METAP1: variants seen among roughly 807,000 people sequenced by gnomAD.
The protein encoded by METAP1 is methionyl aminopeptidase 1.
In METAP1, 28 loss-of-function variants were observed where a neutral mutation model predicts 53.8. That is an observed-to-expected ratio of 0.52 (90% CI 0.39 to 0.71). The LOEUF is 0.71. Ranked by LOEUF, METAP1 falls within the 30% of genes least tolerant of loss-of-function variation. The pLI, the probability that METAP1 is intolerant of heterozygous loss-of-function variation, is 0.00. For missense variants in METAP1, 389 were observed against 479.8 expected (o/e 0.81, Z 1.77); for synonymous variants, 181 against 165.7 (o/e 1.09, Z -0.71).
intron 4 of METAP1, among the ~76,000 whole-genome samples, chr4:99,037,464 A>G (rs916010448): frequency 3.3e-5 from 5 of 151,982 alleles, no homozygotes; most frequent in South Asian, 2.1e-4. Flanking sequence ...AATCATTTGT[A>G]TATCTGAAAC....
intron 1 of METAP1, among the ~76,000 whole-genome samples, chr4:98,997,063 ATAATG>A (rs1397363639): frequency 6.6e-6 from 1 of 152,252 alleles, no homozygotes; most frequent in African/African-American, 2.4e-5. Flanking sequence ...AAATGCTGTT[ATAATG>A]TAAAGTCCTT....
intron 10 of METAP1, among the ~76,000 whole-genome samples, chr4:99,059,434 C>T (rs530540999): frequency 7.5e-4 from 114 of 152,094 alleles, no homozygotes; most frequent in Middle Eastern, 3.4e-3. Flanking sequence ...TTTTTTAGGC[C>T]GCCTCGTATT....
intron 1 of METAP1, among the ~76,000 whole-genome samples, chr4:99,028,492 T>A (rs1651550953): frequency 6.6e-6 from 1 of 152,168 alleles, no homozygotes; most frequent in Admixed American, 6.5e-5. Context: ...ATTGGGAATC[T>A]AACTACTGTA....
At chr4:99,049,845 A>G (rs1726562083) in intron 9 of METAP1, among the ~76,000 whole-genome samples, 1 of 152,214 alleles carries the variant, frequency 6.6e-6, no homozygotes, top group Non-Finnish European at 1.5e-5. Context: ...AAAACAGTAC[A>G]TGAAAGCATT....
At chr4:99,005,383 C>T (rs1723127770) in intron 1 of METAP1, among the ~76,000 whole-genome samples, 1 of 152,118 alleles carries the variant, frequency 6.6e-6, no homozygotes, top group African/African-American at 2.4e-5. Context: ...TGAAAAAATG[C>T]TCAATGTCAC....
intron 9 of METAP1, among the ~76,000 whole-genome samples, chr4:99,049,692 T>A (rs1230205): frequency 0.32 from 48,129 of 151,994 alleles, 10,986 homozygotes; most frequent in East Asian, 0.8. Flanking sequence ...GCACATATAT[T>A]TTGAGCCGCT....
At chr4:99,028,733 A>G (rs1724765112) in intron 1 of METAP1, 134 bp from the exon 2 acceptor site, 1 of 534,632 alleles carries the variant, frequency 1.9e-6, no homozygotes, top group Non-Finnish European at 3.2e-6. Flanking sequence ...CTTTTCCCAA[A>G]TATTTAATTC....
chr4:99,027,808 C>T (rs113291247), intron 1 of METAP1, among the ~76,000 whole-genome samples: 98 of 152,142 alleles, frequency 6.4e-4, no homozygotes, highest in African/African-American at 2.1e-3. Context: ...TTAACTGTTG[C>T]GGGCTGTGGA....
intron 1 of METAP1, among the ~76,000 whole-genome samples, chr4:99,025,140 A>G (rs1724470546): frequency 6.6e-6 from 1 of 152,162 alleles, no homozygotes; most frequent in Non-Finnish European, 1.5e-5. Context: ...CTGGTTCCTA[A>G]CAGGCCACTG....
chr4:99,001,699 C>A (rs1349428288), intron 1 of METAP1, among the ~76,000 whole-genome samples: 2 of 152,132 alleles, frequency 1.3e-5, no homozygotes, highest in Non-Finnish European at 2.9e-5. Context: ...TCTGTTTACT[C>A]TTCAATAAAT....
chr4:99,047,460 A>G (rs1726353037), intron 8 of METAP1, among the ~76,000 whole-genome samples: 1 of 152,190 alleles, frequency 6.6e-6, no homozygotes, highest in Non-Finnish European at 1.5e-5. Context: ...CTCCCACCCC[A>G]GGCTGATAGG....
chr4:99,027,883 C>T (rs1400779551), intron 1 of METAP1, among the ~76,000 whole-genome samples: 1 of 152,108 alleles, frequency 6.6e-6, no homozygotes, highest in Non-Finnish European at 1.5e-5. Context: ...ACTGATCTTT[C>T]AGAGTCCCTT....
chr4:99,002,410 T>C (rs1722965286), intron 1 of METAP1, among the ~76,000 whole-genome samples: 1 of 152,256 alleles, frequency 6.6e-6, no homozygotes, highest in Non-Finnish European at 1.5e-5. Flanking sequence ...GAACTTCGCC[T>C]GACCTCACAG....
intron 5 of METAP1, among the ~76,000 whole-genome samples, chr4:99,039,966 A>T (rs1196294558): frequency 6.6e-6 from 1 of 152,140 alleles, no homozygotes; most frequent in Non-Finnish European, 1.5e-5. Flanking sequence ...ACGTAAGGTG[A>T]TCTGCCCGCC....
At chr4:99,048,571 T>C (rs1726444265) in intron 8 of METAP1, among the ~76,000 whole-genome samples, 162 bp from the exon 9 acceptor site, 1 of 152,182 alleles carries the variant, frequency 6.6e-6, no homozygotes, top group Admixed American at 6.5e-5. Flanking sequence ...GGCTTTGCCC[T>C]GTTGCCCAGG....
chr4:99,001,469 A>G (rs937576647), intron 1 of METAP1, among the ~76,000 whole-genome samples: 1 of 152,204 alleles, frequency 6.6e-6, no homozygotes, highest in Non-Finnish European at 1.5e-5. Context: ...ATATTTGCGT[A>G]TTTATTCATG....
In METAP1 at chr4:99,022,846, T is replaced by TC; in HGVS notation, c.115-6018dup. 1.9e-6 allele frequency: 3 copies of TC among 1,565,972 alleles called. No homozygotes were observed. The Middle Eastern group carries it at 5.4e-4, about 279-fold the overall frequency. On this transcript the variant is annotated intron_variant, in intron 1 of 10. Transcript: ENST00000296411. ...AGTCCTTGCTGTGGTACTGCTTTTT[T>TC]CCCTCCCACGGCTGCTGCTGCCTTC...
chr4:98,998,954 G>A (rs1722786202), intron 1 of METAP1, among the ~76,000 whole-genome samples: 1 of 152,036 alleles, frequency 6.6e-6, no homozygotes, highest in African/African-American at 2.4e-5. Flanking sequence ...GGAATTACAG[G>A]CATGCACCAC....
At chr4:99,052,034 A>G (rs1726752056) in intron 9 of METAP1, among the ~76,000 whole-genome samples, 1 of 152,242 alleles carries the variant, frequency 6.6e-6, no homozygotes, top group African/African-American at 2.4e-5. Flanking sequence ...GTTTGGTTCT[A>G]GACCCTTGCA....
Sources: allele counts gnomAD v4.1 joint callset (sites outside exome capture counted in the v4.1 genomes callset), GRCh38; gene constraint gnomAD v4.1.1; transcripts MANE v1.5; gene names NCBI Gene and HGNC (gene_info 2026-07-23, HGNC 2026-07-21).